MAP9: variants seen among roughly 807,000 people sequenced by gnomAD.
MAP9 encodes microtubule associated protein 9, also known as microtubule-associated protein 9.
A neutral mutation model predicts 75.2 loss-of-function variants in MAP9; 80 were observed. The observed-to-expected ratio is 1.06, with a 90% CI of 0.89 to 1.28. The LOEUF is 1.28. Ranked by LOEUF, MAP9 falls within the 50% of genes most tolerant of loss-of-function variation. The pLI, the probability that MAP9 is intolerant of heterozygous loss-of-function variation, is 0.00. For missense variants in MAP9, 753 were observed against 719.9 expected, an observed-to-expected ratio of 1.05 and a Z score of -0.53; for synonymous variants, 235 against 237.3, an observed-to-expected ratio of 0.99 and a Z score of 0.09.
Position 155,375,852 on chromosome 4 carries a change from G to C in MAP9, c.-2C>G. On this transcript the variant is annotated 5_prime_UTR_variant, in exon 2 of 14. Coordinates refer to ENST00000311277, the MANE Select transcript of MAP9 (RefSeq NM_001039580.2). ...GGTGCTAAAAACTTCATCAGACATA[G>C]TGTATTTTTTCTCGTTACCTTTATA... 2 of 1,602,236 alleles carry C rather than the reference G, an allele frequency of 1.2e-6. No individual in the cohort carries two copies. The highest frequency in any genetic ancestry group is 2.2e-5 in the East Asian group (1 of 44,602).
Position 155,373,241 on chromosome 4 carries a change from CA to C in MAP9, c.375del (p.Val126Ter). 2.5e-6 allele frequency: 4 copies of C among 1,611,900 alleles called. No individual in the cohort carries two copies. Among genetic ancestry groups the C allele is most frequent in the Non-Finnish European group, 3.4e-6 (4 of 1,179,022 alleles). On this transcript the variant is annotated frameshift_variant, in exon 4 of 14. Coordinates refer to ENST00000311277, the MANE Select transcript of MAP9 (RefSeq NM_001039580.2). LOFTEE classifies it high-confidence loss of function. ...TTTTGAGATTCAGAGAAAGATTTTA[CA>C]ACAATGTCTTCACACCCATCAGGTG... is the stretch of plus-strand genomic sequence containing the variant. The part of the protein sequence containing the change: ...EMAPDGCEDI[V>X]VKSFSESQNK...
intron 6 of MAP9, among the ~76,000 whole-genome samples, chr4:155,360,741 A>C (rs1278249776): frequency 6.6e-6 from 1 of 152,036 alleles, no homozygotes; most frequent in Non-Finnish European, 1.5e-5. Context: ...GTGAGATGAC[A>C]ATATTTGTTT....
intron 5 of MAP9, among the ~76,000 whole-genome samples, chr4:155,366,932 G>T (rs1446395458): frequency 6.6e-6 from 1 of 152,094 alleles, no homozygotes; most frequent in Non-Finnish European, 1.5e-5. Flanking sequence ...CAACTCATTT[G>T]ATACCCAAGC....
Position 155,343,837 on chromosome 4 carries a change from T to C in MAP9, c.*3946A>G, listed in dbSNP as rs1731193219. On this transcript the variant is annotated 3_prime_UTR_variant, in exon 14 of 14. Transcript: ENST00000311277. ...TGTAATATACATATTCAAAATGGCA[T>C]AATCACATGAAATTTTAAAGTAAAA... 6.6e-6 allele frequency: 1 copy of C among 151,922 alleles called. No individual in the cohort carries two copies. Among genetic ancestry groups the C allele is most frequent in the South Asian group, 2.1e-4 (1 of 4,828 alleles). The allele number at this position is 151,922 out of a possible 1,614,324, so 9.4% of individuals were successfully genotyped here.
At chr4:155,350,984 AT>A (rs923675905) in intron 13 of MAP9, 43 of 151,860 alleles carry the variant, frequency 2.8e-4, no homozygotes, top group African/African-American at 1.0e-3. Context: ...TAAATCGCTC[AT>A]TTTGGTCCCA....
At chr4:155,371,605 A>G (rs1732597834) in intron 4 of MAP9, among the ~76,000 whole-genome samples, 1 of 151,914 alleles carries the variant, frequency 6.6e-6, no homozygotes, top group Non-Finnish European at 1.5e-5. Flanking sequence ...AATTATTTTT[A>G]TATTACACGT....
In MAP9 at chr4:155,362,089, T is replaced by C. The variant is rs138185778; in HGVS notation, c.761A>G (p.Asp254Gly). 91 of 1,599,240 alleles carry C rather than the reference T, an allele frequency of 5.7e-5. No individual in the cohort carries two copies. The highest frequency in any genetic ancestry group is 7.6e-5 in the Non-Finnish European group (89 of 1,175,416). ...TCCCTCAGATCCTGGTGAAAAAGAA[T>C]CTCCAAGAATTTGTTTAAGTGATGA... ...ASSSLKQILG[D>G]SFSPGSEGNA... The change falls in exon 6 of 14, where the codon GAT becomes GGT. Residue 254 changes from aspartate to glycine, a missense_variant. Transcript: ENST00000311277.
intron 5 of MAP9, chr4:155,362,850 A>G (rs765452564): frequency 2.0e-5 from 3 of 152,182 alleles, no homozygotes; most frequent in Non-Finnish European, 4.4e-5. Context: ...TATATGTCAA[A>G]AGCAATGGAG....
At chr4:155,356,128 G>A (rs544131024) in intron 8 of MAP9, among the ~76,000 whole-genome samples, 6 of 152,094 alleles carry the variant, frequency 3.9e-5, no homozygotes, top group Non-Finnish European at 7.4e-5. Flanking sequence ...ATTAGCTGGC[G>A]TGGTGGCACA....
intron 7 of MAP9, among the ~76,000 whole-genome samples, chr4:155,359,413 G>A (rs867719829): frequency 3.2e-4 from 49 of 152,070 alleles, no homozygotes; most frequent in African/African-American, 1.1e-3. Flanking sequence ...TATAGGGTAT[G>A]GAATAATAGA....
At chr4:155,359,424 T>C (rs191844047) in intron 7 of MAP9, among the ~76,000 whole-genome samples, 1 of 151,988 alleles carries the variant, frequency 6.6e-6, no homozygotes, top group African/African-American at 2.4e-5. Flanking sequence ...GAATAATAGA[T>C]AATGGAGACT....
At chr4:155,353,150 ATAAT>A in intron 11 of MAP9, 25 bp downstream of exon 11, 3 of 1,553,828 alleles carry the variant, frequency 1.9e-6, no homozygotes, top group East Asian at 2.3e-5. Flanking sequence ...ATGTTTTAAA[ATAAT>A]TAAGATGTGC....
intron 5 of MAP9, among the ~76,000 whole-genome samples, chr4:155,365,037 A>T (rs942581600): frequency 1.3e-5 from 2 of 152,030 alleles, no homozygotes; most frequent in Non-Finnish European, 2.9e-5. Context: ...TCCTAAATCC[A>T]ATCATAGCAG....
intron 4 of MAP9, among the ~76,000 whole-genome samples, chr4:155,371,632 C>G (rs1270597837): frequency 3.3e-5 from 5 of 151,432 alleles, no homozygotes; most frequent in African/African-American, 7.3e-5. Flanking sequence ...TATAACATTG[C>G]ATATATAAGT....
chr4:155,355,210 AT>A, intron 9 of MAP9, 50 bp from the exon 10 acceptor site: 1 of 596,074 alleles, frequency 1.7e-6, no homozygotes, highest in Non-Finnish European at 2.7e-6. Flanking sequence ...TCTTAAGTGA[AT>A]TAGAATTCTT....
chr4:155,355,407 G>C (rs1731728898), intron 9 of MAP9, among the ~76,000 whole-genome samples: 1 of 151,980 alleles, frequency 6.6e-6, no homozygotes, highest in Non-Finnish European at 1.5e-5. Context: ...AACTCCTTTT[G>C]TTCATATAAA....
rs922723846 is a variant in MAP9, at chr4:155,343,299, T to C, written c.*4484A>G. On this transcript the variant is annotated 3_prime_UTR_variant, in exon 14 of 14. Transcript: ENST00000311277. ...AGAGAGAAAGAGGAGGGAGGAACTATCTCTTCCTTTTTTCTCAGCTTAATT... is the reference window on the plus strand; with the variant it reads ...AGAGAGAAAGAGGAGGGAGGAACTACCTCTTCCTTTTTTCTCAGCTTAATT... 2.6e-5 allele frequency: 4 copies of C among 151,602 alleles called. No homozygotes were observed. Among genetic ancestry groups the C allele is most frequent in the African/African-American group, 9.7e-5 (4 of 41,374 alleles). 9.4% of individuals were successfully genotyped at this position (151,602 alleles called of 1,614,324 possible). A position where few individuals can be genotyped will look rare whatever the true frequency, so the allele number is the denominator to read the frequency against.
rs1380836290 is a variant in MAP9, at chr4:155,344,819, T to C, written c.*2964A>G. 1 of 151,982 alleles carries C rather than the reference T, an allele frequency of 6.6e-6. No homozygotes were observed. Among genetic ancestry groups the C allele is most frequent in the Admixed American group, 6.6e-5 (1 of 15,252 alleles). 9.4% of individuals were successfully genotyped at this position (151,982 alleles called of 1,614,324 possible). ...ATACTACTTTATTATTTAGTATTAA[T>C]ATTTAAATTTATCCACAAATGTGCT... On this transcript the variant is annotated 3_prime_UTR_variant, in exon 14 of 14. Transcript: ENST00000311277.
chr4:155,359,210 T>TACACACACAC (rs56261222), intron 7 of MAP9, among the ~76,000 whole-genome samples: 2,478 of 145,532 alleles, frequency 0.017, 30 homozygotes, highest in African/African-American at 0.041. Flanking sequence ...AAAATGTGTA[T>TACACACACAC]ACACACACAC....
Sources: allele counts gnomAD v4.1 joint callset (sites outside exome capture counted in the v4.1 genomes callset), GRCh38; gene constraint gnomAD v4.1.1; transcripts MANE v1.5; gene names NCBI Gene and HGNC (gene_info 2026-07-23, HGNC 2026-07-21).